CALY: variants seen among roughly 807,000 people sequenced by gnomAD.
CALY encodes neuron-specific vesicular protein calcyon.
Under a neutral mutation model 20.2 loss-of-function variants are expected in CALY, and 15 were observed. The observed-to-expected ratio is 0.74, with a 90% CI of 0.50 to 1.14. The LOEUF (loss-of-function observed/expected upper bound fraction) is 1.14. CALY is among the 50% of genes most tolerant of loss of function. The probability of loss-of-function intolerance (pLI) is 0.00; values close to 1 mark genes in which losing one functional copy is unlikely to be tolerated. For synonymous variants in CALY, 129 were observed against 131.8 expected (o/e 0.98, Z 0.15); for missense variants, 270 against 304.4 (o/e 0.89, Z 0.84).
chr10:133,331,526 T>G (rs1848308204), intron 1 of CALY, among the ~76,000 whole-genome samples: 1 of 152,046 alleles, frequency 6.6e-6, no homozygotes, highest in South Asian at 2.1e-4. Context: ...TTAAATAATA[T>G]CAAAACTATC....
intron 1 of CALY, among the ~76,000 whole-genome samples, chr10:133,334,084 T>G (rs1589856657): frequency 1.4e-5 from 1 of 69,520 alleles, no homozygotes; most frequent in Non-Finnish European, 2.6e-5. Flanking sequence ...GGGAAGGACA[T>G]GAGGGGGAAG....
At chr10:133,330,328 A>G (rs1381302331) in intron 1 of CALY, among the ~76,000 whole-genome samples, 143 of 84,638 alleles carry the variant, frequency 1.7e-3, no homozygotes, top group East Asian at 3.8e-3. Context: ...ACTCCAGCCT[A>G]GGTGACAGAA....
chr10:133,327,131 C>G (rs1276446255), intron 3 of CALY, 140 bp from the exon 4 acceptor site: 2 of 643,138 alleles, frequency 3.1e-6, no homozygotes, highest in African/African-American at 3.6e-5. Context: ...CAGCCAGTGG[C>G]TTTTCCAACT....
chr10:133,336,547 C>T (rs1848447706), intron 1 of CALY, among the ~76,000 whole-genome samples: 1 of 152,130 alleles, frequency 6.6e-6, no homozygotes, highest in African/African-American at 2.4e-5. Flanking sequence ...GCCCCGCCGT[C>T]ACGGGAAGCC....
chr10:133,332,285 C>G (rs1414882028), intron 1 of CALY, among the ~76,000 whole-genome samples: 1 of 152,188 alleles, frequency 6.6e-6, no homozygotes, highest in African/African-American at 2.4e-5. Context: ...GCATGGCTGC[C>G]TCTCAGTAAA....
Position 133,326,027 on chromosome 10 carries a change from G to T in CALY, c.454C>A (p.Pro152Thr). Reference protein sequence around the residue: ...RSILAAIGAYPLSRKHGTETP... With the variant: ...RSILAAIGAYTLSRKHGTETP... ...TCCGTGCCGTGCTTGCGGCTCAGCGGGTAGGCCCCGATGGCCGCCAGGATG... is the reference window on the plus strand; with the variant it reads ...TCCGTGCCGTGCTTGCGGCTCAGCGTGTAGGCCCCGATGGCCGCCAGGATG... Residue 152 changes from proline to threonine, a missense_variant, in exon 5 of 6, where the codon CCG becomes ACG. Transcript: ENST00000252939. 1 of 1,588,380 alleles carries T rather than the reference G, an allele frequency of 6.3e-7. No individual in the cohort carries two copies.
intron 4 of CALY, 115 bp downstream of exon 4, chr10:133,326,763 T>A (rs1457177394): frequency 1.5e-6 from 1 of 669,292 alleles, no homozygotes; most frequent in African/African-American, 1.8e-5. Context: ...AACAGGAACA[T>A]GGCTTTGGAG....
In CALY at chr10:133,332,979, A is replaced by C. The variant is rs74164149; in HGVS notation, c.-21+3855T>G. Among the ~76,000 whole-genome samples the C allele has an allele frequency of 7.0e-3, 1,067 of 152,058 alleles. 20 individuals are homozygous for C. Among genetic ancestry groups the C allele is most frequent in the African/African-American group, 0.025 (1,019 of 41,486 alleles). On this transcript the variant is annotated intron_variant, in intron 1 of 5. Transcript: ENST00000252939. ...GACTTCTTGACTCCAGAACTGTGAA[A>C]GAATTTGTTATTTTAAGCCACCTGC... is the stretch of plus-strand genomic sequence containing the variant.
rs1442764894 is a variant in CALY, at chr10:133,325,530, CG to C, written c.*64del. On this transcript the variant is annotated 3_prime_UTR_variant, in exon 6 of 6. Coordinates refer to ENST00000252939, the MANE Select transcript of CALY (RefSeq NM_015722.4). ...GGGACACGAACACGGCGGAGAGCAT[CG>C]GGAGACGCGCTGGTCACAGGAGCTG... 7 of 241,966 alleles carry C rather than the reference CG, an allele frequency of 2.9e-5. No homozygotes were observed. The East Asian group carries it at 5.7e-4, about 20-fold the overall frequency. The allele number at this position is 241,966 out of a possible 1,614,324, so 15.0% of individuals were successfully genotyped here.
At chr10:133,327,749 G>A (rs1332507877) in intron 3 of CALY, 156 bp downstream of exon 3, 2 of 716,040 alleles carry the variant, frequency 2.8e-6, no homozygotes, top group Admixed American at 4.0e-5. Context: ...GCAGCCGGTG[G>A]GGCCAGCTCT....
intron 4 of CALY, 76 bp downstream of exon 4, chr10:133,326,802 C>A (rs1848220402): frequency 1.1e-6 from 1 of 921,996 alleles, no homozygotes; most frequent in South Asian, 1.4e-5. Flanking sequence ...CAGGAGACAC[C>A]CCTGCCACCC....
chr10:133,336,235 G>T (rs1409055303), intron 1 of CALY, among the ~76,000 whole-genome samples: 4 of 152,062 alleles, frequency 2.6e-5, no homozygotes, highest in Non-Finnish European at 4.4e-5. Flanking sequence ...GCGCGCAGCT[G>T]CTCCCGCTTC....
At position 133,327,452 on chromosome 10, in the gene CALY, T is replaced by C. The variant is rs914224494; in HGVS notation, c.246+453A>G. ...GGGGAGCCCTAGCAGATCTGTCTAC[T>C]GGAGAATGGAAGGCTTTGGAAACAG... is the stretch of plus-strand genomic sequence containing the variant. On this transcript the variant is annotated intron_variant, in intron 3 of 5. Coordinates refer to ENST00000252939, the MANE Select transcript of CALY (RefSeq NM_015722.4). 1.5e-5 allele frequency: 8 copies of C among 549,828 alleles called. No homozygotes were observed. In the Admixed American group the frequency reaches 2.1e-4, roughly 14 times the overall value. The allele number at this position is 549,828 out of a possible 1,614,324, so 34.1% of individuals were successfully genotyped here.
rs1848197842 is a variant in CALY, at chr10:133,325,920, C to G, written c.561G>C (p.Ala187=). The G allele has an allele frequency of 7.7e-7, 1 of 1,299,720 alleles. No homozygotes were observed. Among genetic ancestry groups the G allele is most frequent in the Non-Finnish European group, 9.8e-7 (1 of 1,020,914 alleles). The allele number at this position is 1,299,720 out of a possible 1,614,324, so 80.5% of individuals were successfully genotyped here. A position where few individuals can be genotyped will look rare whatever the true frequency, so the allele number is the denominator to read the frequency against. Residue 187 remains alanine, a synonymous_variant, in exon 5 of 6, where the codon GCG becomes GCC. Transcript: ENST00000252939. The part of the protein sequence containing the change: ...KGPTQAGAAA[A]ATEPPGKPSA... ...ACGGCTTCCCGGGGGGTTCGGTGGC[C>G]GCCGCCGCCGCCCCAGCCTGGGTGG...
chr10:133,327,824 C>A (rs779467153), intron 3 of CALY, 81 bp downstream of exon 3: 2 of 923,082 alleles, frequency 2.2e-6, no homozygotes, highest in East Asian at 2.6e-5. Flanking sequence ...CTGGCCTGGA[C>A]GGAACCCAGG....
At chr10:133,330,582 T>A (rs12762134) in intron 1 of CALY, among the ~76,000 whole-genome samples, 1 of 127,430 alleles carries the variant, frequency 7.8e-6, no homozygotes, top group Admixed American at 8.8e-5. Flanking sequence ...GGCGTGAACC[T>A]GGGAGGCGGA....
At chr10:133,333,306 G>A (rs1195725392) in intron 1 of CALY, among the ~76,000 whole-genome samples, 1 of 91,408 alleles carries the variant, frequency 1.1e-5, no homozygotes, top group Admixed American at 1.1e-4. Context: ...GGGGGGGGAA[G>A]GATCCGAGGG....
At position 133,332,224 on chromosome 10, in the gene CALY, G is replaced by A. The variant is rs558699809; in HGVS notation, c.-20-3215C>T. 3.3e-5 allele frequency among the ~76,000 whole-genome samples: 5 copies of A among 152,236 alleles called. No homozygotes were observed. In the East Asian group the frequency reaches 9.7e-4, roughly 29 times the overall value. On this transcript the variant is annotated intron_variant, in intron 1 of 5. Transcript: ENST00000252939. ...TGGAGAGGTGTGGGGCTACTGCGTGGTGGAAAAAGTCCCACGTGACACACT... is the reference window on the plus strand; with the variant it reads ...TGGAGAGGTGTGGGGCTACTGCGTGATGGAAAAAGTCCCACGTGACACACT...
chr10:133,325,901 T>C lies in CALY; in HGVS notation c.580A>G (p.Lys194Glu). The C allele has an allele frequency of 7.8e-7, 1 of 1,290,128 alleles. No individual in the cohort carries two copies. Among genetic ancestry groups the C allele is most frequent in the Non-Finnish European group, 9.8e-7 (1 of 1,018,490 alleles). 79.9% of individuals were successfully genotyped at this position (1,290,128 alleles called of 1,614,324 possible). A position where few individuals can be genotyped will look rare whatever the true frequency, so the allele number is the denominator to read the frequency against. Reference sequence around the variant, plus strand: ...TCCTTCTCCGCCTTGGCCGACGGCTTCCCGGGGGGTTCGGTGGCCGCCGCC... The same window carrying C: ...TCCTTCTCCGCCTTGGCCGACGGCTCCCCGGGGGGTTCGGTGGCCGCCGCC... ...AAAAATEPPGKPSAKAEKEAA... is the reference protein window; with the variant it reads ...AAAAATEPPGEPSAKAEKEAA... The change falls in exon 5 of 6, where the codon AAG (lysine) becomes GAG (glutamate). Residue 194 changes from lysine (K) to glutamate (E), a missense_variant. Physicochemically the swap from Lys to Glu is moderately conservative, Grantham distance 56. Transcript: ENST00000252939.
Sources: allele counts gnomAD v4.1 joint callset (sites outside exome capture counted in the v4.1 genomes callset), GRCh38; gene constraint gnomAD v4.1.1; transcripts MANE v1.5; gene names NCBI Gene and HGNC (gene_info 2026-07-23, HGNC 2026-07-21).